Variants in PIEZO1 observed in about 807,000 individuals in gnomAD.
The protein encoded by PIEZO1 is piezo type mechanosensitive ion channel component 1 (Er blood group).
PIEZO1 carries 296 observed loss-of-function variants against 297.2 expected under a neutral mutation model. The observed-to-expected ratio is 1.00, with a 90% CI of 0.91 to 1.10. The LOEUF is 1.10. Ranked by LOEUF, PIEZO1 falls within the 50% of genes least tolerant of loss-of-function variation. The probability of loss-of-function intolerance (pLI) is 0.00; values close to 1 mark genes in which losing one functional copy is unlikely to be tolerated. For missense variants in PIEZO1, 5,018 were observed against 3,455.5 expected (o/e 1.45, Z -11.34); for synonymous variants, 2,427 against 1,507.5 (o/e 1.61, Z -14.13).
At chr16:88,782,335 T>C (rs113282204) in intron 1 of PIEZO1, among the ~76,000 whole-genome samples, 5,240 of 152,192 alleles carry the variant, frequency 0.034, 150 homozygotes, top group African/African-American at 0.078. Context: ...TGCTCTCGAA[T>C]GGCTACGCTC....
rs1238133479 is a variant in PIEZO1, at chr16:88,715,372, T to TAATTA, written c.*228_*232dup. On this transcript the variant is annotated 3_prime_UTR_variant, in exon 51 of 51. Transcript: ENST00000301015. ...CCATTTGTATAAATAAAACATTTTTTAATTAAAAAAAAAACTCTACAGTAC... is the reference window on the plus strand; with the variant it reads ...CCATTTGTATAAATAAAACATTTTTTAATTAAATTAAAAAAAAAACTCTACAGTAC... 8.4e-7 allele frequency: 1 copy of TAATTA among 1,196,602 alleles called. No individual in the cohort carries two copies. Among genetic ancestry groups the TAATTA allele is most frequent in the Non-Finnish European group, 1.1e-6 (1 of 870,440 alleles). 74.1% of individuals were successfully genotyped at this position (1,196,602 alleles called of 1,614,324 possible). A position where few individuals can be genotyped will look rare whatever the true frequency, so the allele number is the denominator to read the frequency against.
At chr16:88,749,831 C>G (rs1188248511) in intron 1 of PIEZO1, among the ~76,000 whole-genome samples, 1 of 152,168 alleles carries the variant, frequency 6.6e-6, no homozygotes, top group African/African-American at 2.4e-5. Flanking sequence ...AGTTCAAGAC[C>G]AGCCTGGCCA....
At chr16:88,733,247 T>A in intron 19 of PIEZO1, 31 bp downstream of exon 19, 1 of 1,526,786 alleles carries the variant, frequency 6.5e-7, no homozygotes, top group Non-Finnish European at 8.9e-7. Flanking sequence ...GCCTGGAGCT[T>A]CCTCCCGTCC....
chr16:88,751,312 T>C (rs774207052), intron 1 of PIEZO1, among the ~76,000 whole-genome samples: 19 of 152,136 alleles, frequency 1.2e-4, no homozygotes, highest in African/African-American at 1.4e-4. Context: ...CATCTCCCCA[T>C]TGGCACCGTG....
chr16:88,717,348 C>CA lies in PIEZO1; in HGVS notation c.6472-138dup, dbSNP rs1372350802. 4.2e-6 allele frequency: 3 copies of CA among 716,586 alleles called. No individual in the cohort carries two copies. In the Admixed American group the frequency reaches 6.2e-5, roughly 15 times the overall value. The allele number at this position is 716,586 out of a possible 1,614,324, so 44.4% of individuals were successfully genotyped here. On this transcript the variant is annotated intron_variant, in intron 44 of 50. Transcript: ENST00000301015. ...ATGGCACAGCGGTAGTAATGGTGGG[C>CA]AGACACAGGCCAGTGGAGTAGAACT... is the stretch of plus-strand genomic sequence containing the variant.
Sources: gnomAD v4.1 joint callset for allele counts (sites outside exome capture counted in the v4.1 genomes callset) on GRCh38, gnomAD v4.1.1 for gene constraint, MANE v1.5 for transcripts, NCBI Gene and HGNC (gene_info 2026-07-23, HGNC 2026-07-21) for gene names.